CFAP61: variants seen among roughly 807,000 people sequenced by gnomAD.
The protein encoded by CFAP61 is cilia- and flagella-associated protein 61.
CFAP61 carries 107 observed loss-of-function variants against 135.6 expected under a neutral mutation model. That is an observed-to-expected ratio of 0.79 (90% CI 0.67 to 0.93). CFAP61 has a LOEUF of 0.93. Ranked by LOEUF, CFAP61 falls within the 40% of genes least tolerant of loss-of-function variation. The pLI is 0.00. For missense variants in CFAP61, 1,507 were observed against 1,556.2 expected (o/e 0.97, Z 0.53); for synonymous variants, 575 against 578.5 (o/e 0.99, Z 0.09).
At chr20:20,199,626 ATGTT>A (rs2056499732) in intron 16 of CFAP61, 138 bp from the exon 17 acceptor site, 1 of 766,950 alleles carries the variant, frequency 1.3e-6, no homozygotes, top group Non-Finnish European at 2.1e-6. Flanking sequence ...CTCGAAGAGT[ATGTT>A]TGTTTATTTG....
intron 10 of CFAP61, 27 bp from the exon 11 acceptor site, chr20:20,164,023 T>C (rs1433607260): frequency 8.9e-6 from 14 of 1,569,032 alleles, no homozygotes; most frequent in East Asian, 2.3e-5. Context: ...AGGATTCTCA[T>C]TGGCTCCTCC....
chr20:20,210,628 AAC>A (rs1181102878), intron 17 of CFAP61, among the ~76,000 whole-genome samples: 2 of 152,192 alleles, frequency 1.3e-5, no homozygotes, highest in African/African-American at 2.4e-5. Flanking sequence ...AGACACATGA[AAC>A]ACAGACCACG....
At chr20:20,133,262 A>C (rs1255131719) in intron 8 of CFAP61, among the ~76,000 whole-genome samples, 1 of 152,252 alleles carries the variant, frequency 6.6e-6, no homozygotes, top group African/African-American at 2.4e-5. Context: ...TGTATTGTTC[A>C]TGCATTTGGT....
chr20:20,325,776 A>G (rs899101398), intron 25 of CFAP61, among the ~76,000 whole-genome samples: 11 of 152,184 alleles, frequency 7.2e-5, no homozygotes, highest in African/African-American at 2.7e-4. Context: ...AGTTTTTGTA[A>G]GAAACCACCG....
chr20:20,288,644 T>C lies in CFAP61; in HGVS notation c.2832T>C (p.Tyr944=). The change falls in exon 23 of 27, where the codon TAT becomes TAC. Residue 944 remains tyrosine (Y), a synonymous_variant. Transcript: ENST00000245957. Reference sequence around the variant, plus strand: ...GCTTCTGTGAGAAGAATGTGGATTATGAAACGTTTAAAGCCCTCAATGATG... The same window carrying C: ...GCTTCTGTGAGAAGAATGTGGATTACGAAACGTTTAAAGCCCTCAATGATG... The part of the protein sequence containing the change: ...FFSFCEKNVD[Y]ETFKALNDAC... 1 of 1,614,006 alleles carries C rather than the reference T, an allele frequency of 6.2e-7. No homozygotes were observed. The highest frequency in any genetic ancestry group is 8.5e-7 in the Non-Finnish European group (1 of 1,179,864).
intron 13 of CFAP61, among the ~76,000 whole-genome samples, chr20:20,179,948 C>A (rs939558456): frequency 6.6e-6 from 1 of 152,162 alleles, no homozygotes; most frequent in Non-Finnish European, 1.5e-5. Flanking sequence ...CAGTACCATT[C>A]TGGACATAGG....
At chr20:20,346,575 A>T (rs369518097) in intron 26 of CFAP61, among the ~76,000 whole-genome samples, 2 of 152,036 alleles carry the variant, frequency 1.3e-5, no homozygotes, top group African/African-American at 4.8e-5. Flanking sequence ...ACTCATTCCA[A>T]GATATCTGAA....
chr20:20,225,350 T>C (rs1186346159), intron 17 of CFAP61: 4 of 152,166 alleles, frequency 2.6e-5, no homozygotes, highest in Non-Finnish European at 5.9e-5. Flanking sequence ...GGGCACAAAA[T>C]TGGGTTGACT....
At chr20:20,307,853 A>G (rs2424344) in intron 25 of CFAP61, among the ~76,000 whole-genome samples, 129,852 of 151,734 alleles carry the variant, frequency 0.86, 55,733 homozygotes, top group African/African-American at 0.92. Context: ...TAGAAAAGGG[A>G]TGGATCAGAT....
intron 21 of CFAP61, among the ~76,000 whole-genome samples, chr20:20,269,201 A>ATG (rs1555941781): frequency 2.2e-5 from 2 of 89,956 alleles, no homozygotes; most frequent in African/African-American, 3.6e-5. Flanking sequence ...ATATACATAT[A>ATG]TGTATATATA....
At chr20:20,329,710 G>A (rs1011946944) in intron 25 of CFAP61, among the ~76,000 whole-genome samples, 17 of 152,170 alleles carry the variant, frequency 1.1e-4, no homozygotes, top group Admixed American at 3.9e-4. Flanking sequence ...CCTTGCATCC[G>A]ACTGGACGTT....
intron 17 of CFAP61, among the ~76,000 whole-genome samples, chr20:20,211,898 C>T (rs12479819): frequency 3.0e-4 from 45 of 152,324 alleles, no homozygotes; most frequent in Admixed American, 2.0e-3. Flanking sequence ...CAAACCACCC[C>T]TCCCACCGCC....
At chr20:20,321,678 C>T (rs1458010572) in intron 25 of CFAP61, among the ~76,000 whole-genome samples, 1 of 152,164 alleles carries the variant, frequency 6.6e-6, no homozygotes, top group Admixed American at 6.5e-5. Context: ...GTTTACGTTG[C>T]AAGCCCCAAA....
At chr20:20,109,600 G>C (rs1356198710) in intron 8 of CFAP61, among the ~76,000 whole-genome samples, 1 of 152,094 alleles carries the variant, frequency 6.6e-6, no homozygotes, top group Non-Finnish European at 1.5e-5. Context: ...CCTCTAACTA[G>C]GGTGCTCACA....
At chr20:20,222,214 G>A (rs1213896299) in intron 17 of CFAP61, among the ~76,000 whole-genome samples, 1 of 152,160 alleles carries the variant, frequency 6.6e-6, no homozygotes, top group East Asian at 1.9e-4. Flanking sequence ...TCATAGGGTG[G>A]CAATAATTTT....
rs77719356 is a variant in CFAP61, at chr20:20,077,218, C to G, written c.566+1603C>G. Among the ~76,000 whole-genome samples, 1,103 of 152,296 alleles carry G rather than the reference C, an allele frequency of 7.2e-3. 20 individuals are homozygous for G. Among genetic ancestry groups the G allele is most frequent in the African/African-American group, 0.025 (1,042 of 41,556 alleles). On this transcript the variant is annotated intron_variant, in intron 6 of 26. Coordinates refer to ENST00000245957, the MANE Select transcript of CFAP61 (RefSeq NM_015585.4). ...CCTTATAAACTGTGGTACATCCATA[C>G]AGTGGATGCTACTCAGCAATTCAGT...
intron 9 of CFAP61, among the ~76,000 whole-genome samples, chr20:20,153,198 A>C (rs182796094): frequency 6.6e-6 from 1 of 152,196 alleles, no homozygotes; most frequent in Non-Finnish European, 1.5e-5. Flanking sequence ...CAATTTATCA[A>C]AACCTCTGGG....
At chr20:20,072,118 TTTTTTTTTTTTTTTG>T (rs2045758390) in intron 3 of CFAP61, among the ~76,000 whole-genome samples, 3 of 81,308 alleles carry the variant, frequency 3.7e-5, no homozygotes, top group East Asian at 1.7e-3. Flanking sequence ...TTTTTTTTTT[TTTTTTTTTTTTTTTG>T]AGATGGAGTC....
At chr20:20,240,568 C>G (rs1266482412) in intron 18 of CFAP61, among the ~76,000 whole-genome samples, 1 of 151,302 alleles carries the variant, frequency 6.6e-6, no homozygotes, top group Non-Finnish European at 1.5e-5. Flanking sequence ...TTGTGGAGTC[C>G]GCCATCTTTT....
Sources: allele counts gnomAD v4.1 joint callset (sites outside exome capture counted in the v4.1 genomes callset), GRCh38; gene constraint gnomAD v4.1.1; transcripts MANE v1.5; gene names NCBI Gene and HGNC (gene_info 2026-07-23, HGNC 2026-07-21).